SDK2: variants seen among roughly 807,000 people sequenced by gnomAD.
The protein encoded by SDK2 is sidekick cell adhesion molecule 2.
In SDK2, 105 loss-of-function variants were observed where a neutral mutation model predicts 253.9. The observed-to-expected ratio is 0.41, with a 90% confidence interval of 0.35 to 0.49. SDK2 has a LOEUF of 0.49. SDK2 is among the 20% of genes least tolerant of loss of function. SDK2 has a pLI of 0.06. For missense variants in SDK2, 2,608 were observed against 3,003.0 expected (o/e 0.87, Z 3.07); for synonymous variants, 1,249 against 1,234.9 (o/e 1.01, Z -0.24).
chr17:73,589,033 C>G (rs2045645232), intron 1 of SDK2, among the ~76,000 whole-genome samples: 1 of 152,278 alleles, frequency 6.6e-6, no homozygotes, highest in African/African-American at 2.4e-5. Context: ...CCTGTGATGC[C>G]ACGTACTTGA....
chr17:73,411,159 G>A (rs1021751061), intron 18 of SDK2, among the ~76,000 whole-genome samples: 20 of 152,084 alleles, frequency 1.3e-4, no homozygotes, highest in Non-Finnish European at 7.4e-5. Context: ...AGCTCTGCTC[G>A]ACCTTGGGTT....
intron 1 of SDK2, among the ~76,000 whole-genome samples, chr17:73,613,253 T>C (rs929799058): frequency 2.6e-4 from 40 of 151,996 alleles, no homozygotes; most frequent in Admixed American, 5.9e-4. Context: ...ATGGACAAGC[T>C]GACCTTTGGA....
intron 41 of SDK2, among the ~76,000 whole-genome samples, chr17:73,351,634 A>T (rs1218285713): frequency 6.6e-6 from 1 of 151,984 alleles, no homozygotes; most frequent in Non-Finnish European, 1.5e-5. Context: ...TCTGAAGAAA[A>T]ACCAGAGTGT....
At chr17:73,369,018 A>T (rs1222977744) in intron 36 of SDK2, 1 of 342,454 alleles carries the variant, frequency 2.9e-6, no homozygotes. Context: ...TCTCAAAAAA[A>T]AAAAAAAAGA....
At chr17:73,532,853 T>G (rs1225549652) in intron 1 of SDK2, among the ~76,000 whole-genome samples, 1 of 152,190 alleles carries the variant, frequency 6.6e-6, no homozygotes, top group Non-Finnish European at 1.5e-5. Context: ...GTGGTTAGTG[T>G]GTCTGTCTTC....
chr17:73,348,498 C>T lies in SDK2; in HGVS notation c.6165+101G>A, dbSNP rs1599470354. The T allele has an allele frequency of 3.6e-6, 5 of 1,377,058 alleles. No homozygotes were observed. In the East Asian group the frequency reaches 1.3e-4, roughly 35 times the overall value. The allele number at this position is 1,377,058 out of a possible 1,614,324, so 85.3% of individuals were successfully genotyped here. A position where few individuals can be genotyped will look rare whatever the true frequency, so the allele number is the denominator to read the frequency against. Reference sequence around the variant, plus strand: ...TTCTTGGGCCCCTTAATATTTGCTGCCCCTTGAAGGAAAGGAAGAAAGCCC... The same window carrying T: ...TTCTTGGGCCCCTTAATATTTGCTGTCCCTTGAAGGAAAGGAAGAAAGCCC... On this transcript the variant is annotated intron_variant, in intron 44 of 44. Coordinates refer to ENST00000392650, the MANE Select transcript of SDK2 (RefSeq NM_001144952.2).
At chr17:73,571,235 G>A (rs115750276) in intron 1 of SDK2, among the ~76,000 whole-genome samples, 412 of 152,224 alleles carry the variant, frequency 2.7e-3, no homozygotes, top group African/African-American at 9.7e-3. Context: ...TGCCCAGCTC[G>A]GGTCTCTTTC....
intron 1 of SDK2, among the ~76,000 whole-genome samples, chr17:73,598,934 C>G (rs2045798518): frequency 6.6e-6 from 1 of 152,266 alleles, no homozygotes; most frequent in Non-Finnish European, 1.5e-5. Context: ...TTCGATTTTT[C>G]TTCAAGTAGT....
intron 18 of SDK2, among the ~76,000 whole-genome samples, chr17:73,407,322 A>G (rs529407432): frequency 7.2e-5 from 11 of 152,314 alleles, no homozygotes; most frequent in Admixed American, 3.3e-4. Flanking sequence ...TACTGGGGCC[A>G]CGTCAAGAGG....
At chr17:73,604,539 C>T (rs1202776883) in intron 1 of SDK2, among the ~76,000 whole-genome samples, 1 of 152,244 alleles carries the variant, frequency 6.6e-6, no homozygotes, top group Non-Finnish European at 1.5e-5. Flanking sequence ...ACTGCCACCT[C>T]CTGTTCCTTG....
intron 44 of SDK2, among the ~76,000 whole-genome samples, chr17:73,341,538 A>G (rs768743887): frequency 1.9e-4 from 29 of 152,184 alleles, no homozygotes; most frequent in Non-Finnish European, 7.3e-5. Context: ...CTGCCCAGCT[A>G]ATGCCCCTGC....
chr17:73,545,216 AG>A (rs1269075580), intron 1 of SDK2, among the ~76,000 whole-genome samples: 2 of 151,600 alleles, frequency 1.3e-5, no homozygotes, highest in Non-Finnish European at 2.9e-5. Flanking sequence ...CCCTTCCTTT[AG>A]GGAGTGAACT....
At chr17:73,384,387 C>G (rs1243816323) in intron 32 of SDK2, among the ~76,000 whole-genome samples, 1 of 152,150 alleles carries the variant, frequency 6.6e-6, no homozygotes, top group South Asian at 2.1e-4. Flanking sequence ...CTCACCTGAT[C>G]ACCAGCCTCC....
chr17:73,454,877 T>A (rs2063513217), intron 4 of SDK2, among the ~76,000 whole-genome samples: 1 of 152,078 alleles, frequency 6.6e-6, no homozygotes, highest in Non-Finnish European at 1.5e-5. Flanking sequence ...CTAATTTTTG[T>A]ATTTTTAGTA....
At chr17:73,540,558 A>G (rs780933891) in intron 1 of SDK2, among the ~76,000 whole-genome samples, 8 of 152,234 alleles carry the variant, frequency 5.3e-5, no homozygotes, top group Non-Finnish European at 1.0e-4. Context: ...ATATATATAT[A>G]ATATACCCAT....
Position 73,570,517 on chromosome 17 carries a change from T to TG in SDK2, c.65-62921dup, listed in dbSNP as rs2045369709. Among the ~76,000 whole-genome samples the TG allele has an allele frequency of 6.6e-6, 1 of 152,080 alleles. No homozygotes were observed. The highest frequency in any genetic ancestry group is 2.4e-5 in the African/African-American group (1 of 41,398). ...GGGGACCCACCCAGCACCCCTCTTGTGATGATGGCGGTGATGGTGATGGTG... is the reference window on the plus strand; with the variant it reads ...GGGGACCCACCCAGCACCCCTCTTGTGGATGATGGCGGTGATGGTGATGGTG... On this transcript the variant is annotated intron_variant, in intron 1 of 44. Coordinates refer to ENST00000392650, the MANE Select transcript of SDK2 (RefSeq NM_001144952.2). This position sits in a 1 kb window ranked among gnomAD's most constrained non-coding sequence, Gnocchi z 4.2.
chr17:73,555,902 CA>C (rs1167237858), intron 1 of SDK2, among the ~76,000 whole-genome samples: 3 of 152,126 alleles, frequency 2.0e-5, no homozygotes, highest in Non-Finnish European at 2.9e-5. Context: ...CACAGAGAGT[CA>C]GGGGGGACCA....
chr17:73,638,968 C>T (rs2046365273), intron 1 of SDK2, among the ~76,000 whole-genome samples: 1 of 151,960 alleles, frequency 6.6e-6, no homozygotes, highest in Non-Finnish European at 1.5e-5. Context: ...CACTACCACG[C>T]CTGGCTAATT....
At chr17:73,587,810 G>A in intron 1 of SDK2, among the ~76,000 whole-genome samples, 1 of 152,108 alleles carries the variant, frequency 6.6e-6, no homozygotes, top group East Asian at 1.9e-4. Flanking sequence ...CCACACAGGT[G>A]CTTTTAAAGT....
Sources: gnomAD v4.1 joint callset for allele counts (sites outside exome capture counted in the v4.1 genomes callset) on GRCh38, gnomAD v4.1.1 for gene constraint, Gnocchi (gnomAD v3.1) non-coding constraint, MANE v1.5 for transcripts, NCBI Gene and HGNC (gene_info 2026-07-23, HGNC 2026-07-21) for gene names.